HEMK2: variants seen among roughly 807,000 people sequenced by gnomAD.
The protein encoded by HEMK2 is HemK methyltransferase 2, ETF1 glutamine and histone H4 lysine, also known as methyltransferase HEMK2.
the HEMK2 span, among the ~76,000 whole-genome samples, chr21:28,839,025 G>T: frequency 8.5e-6 from 1 of 117,434 alleles, no homozygotes; most frequent in Non-Finnish European, 1.7e-5. Context: ...AATCTGCCAT[G>T]ATAAAGTGGG....
the HEMK2 span, among the ~76,000 whole-genome samples, chr21:28,859,354 T>G: frequency 6.6e-6 from 1 of 152,338 alleles, no homozygotes; most frequent in South Asian, 2.1e-4. Flanking sequence ...AATCTTGCAT[T>G]CAAGTTGCCT....
At chr21:28,860,547 C>G in the HEMK2 span, among the ~76,000 whole-genome samples, 1 of 151,288 alleles carries the variant, frequency 6.6e-6, no homozygotes, top group Non-Finnish European at 1.5e-5. Flanking sequence ...GTTCACTGAA[C>G]AAAGAAATTT....
At chr21:28,708,643 G>A in the HEMK2 span, among the ~76,000 whole-genome samples, 1 of 152,114 alleles carries the variant, frequency 6.6e-6, no homozygotes, top group African/African-American at 2.4e-5. Flanking sequence ...TTGTCCTTAG[G>A]AAAGCTATTA....
chr21:28,591,041 G>C, the HEMK2 span, among the ~76,000 whole-genome samples: 5 of 152,182 alleles, frequency 3.3e-5, no homozygotes, highest in African/African-American at 7.2e-5. Context: ...GCTGATTGCA[G>C]GGAAGCTGGA....
At chr21:28,818,457 TATGTATAA>T in the HEMK2 span, among the ~76,000 whole-genome samples, 2 of 152,250 alleles carry the variant, frequency 1.3e-5, no homozygotes, top group East Asian at 3.9e-4. Context: ...TATATGTATA[TATGTATAA>T]CCTATTAGTT....
the HEMK2 span, among the ~76,000 whole-genome samples, chr21:28,866,228 C>G: frequency 2.0e-5 from 3 of 148,082 alleles, no homozygotes; most frequent in African/African-American, 7.4e-5. Context: ...GTAATCCCAG[C>G]TACTAGGGAA....
At chr21:28,582,333 C>A in the HEMK2 span, among the ~76,000 whole-genome samples, 1 of 152,138 alleles carries the variant, frequency 6.6e-6, no homozygotes, top group African/African-American at 2.4e-5. Context: ...ATATTAATAT[C>A]ATTTTTTTTC....
At chr21:28,760,335 T>C in the HEMK2 span, among the ~76,000 whole-genome samples, 8 of 152,218 alleles carry the variant, frequency 5.3e-5, no homozygotes, top group African/African-American at 1.9e-4. Flanking sequence ...CAACAAACTT[T>C]TTCCATAAAT....
the HEMK2 span, among the ~76,000 whole-genome samples, chr21:28,797,742 A>G: frequency 1.3e-5 from 2 of 152,238 alleles, no homozygotes; most frequent in African/African-American, 4.8e-5. Flanking sequence ...ACCCAACATC[A>G]TAATAATGAG....
the HEMK2 span, among the ~76,000 whole-genome samples, chr21:28,799,854 G>T: frequency 6.6e-6 from 1 of 151,982 alleles, no homozygotes. Flanking sequence ...TAAAATGTTT[G>T]GCATGCCCAA....
the HEMK2 span, among the ~76,000 whole-genome samples, chr21:28,863,200 A>C: frequency 6.6e-6 from 1 of 151,774 alleles, no homozygotes; most frequent in African/African-American, 2.4e-5. Flanking sequence ...CATGGCTAGA[A>C]TATAAGCAGG....
At chr21:28,798,829 T>C in the HEMK2 span, among the ~76,000 whole-genome samples, 3 of 152,206 alleles carry the variant, frequency 2.0e-5, no homozygotes, top group South Asian at 2.1e-4. Context: ...GCATTGCTCA[T>C]TGCCACTACT....
chr21:28,727,356 C>T, the HEMK2 span, among the ~76,000 whole-genome samples: 132 of 152,256 alleles, frequency 8.7e-4, no homozygotes, highest in Admixed American at 2.0e-3. Flanking sequence ...AAAGCCCAAG[C>T]GTTTGAAACC....
chr21:28,719,063 C>A, the HEMK2 span, among the ~76,000 whole-genome samples: 1 of 152,196 alleles, frequency 6.6e-6, no homozygotes, highest in African/African-American at 2.4e-5. Context: ...GAGTCCTGGC[C>A]TTTTCAATTT....
the HEMK2 span, among the ~76,000 whole-genome samples, chr21:28,877,395 A>C: frequency 1.3e-5 from 1 of 79,870 alleles, no homozygotes; most frequent in Admixed American, 1.1e-4. Flanking sequence ...GAAGGAAGGA[A>C]GGGAAGAAAA....
chr21:28,693,069 G>C, the HEMK2 span, among the ~76,000 whole-genome samples: 1 of 152,128 alleles, frequency 6.6e-6, no homozygotes, highest in East Asian at 1.9e-4. Flanking sequence ...TCTGGAATTA[G>C]ATAGTGGTGA....
the HEMK2 span, among the ~76,000 whole-genome samples, chr21:28,864,857 A>AGATGGAT: frequency 1.5e-5 from 2 of 135,172 alleles, no homozygotes; most frequent in South Asian, 5.4e-4. Context: ...ATAGATAGAT[A>AGATGGAT]GATAGATAGA....
the HEMK2 span, among the ~76,000 whole-genome samples, chr21:28,778,471 C>T: frequency 6.6e-6 from 1 of 152,180 alleles, no homozygotes; most frequent in African/African-American, 2.4e-5. Context: ...GGTCCTATGG[C>T]AATTGCAGGT....
the HEMK2 span, among the ~76,000 whole-genome samples, chr21:28,620,128 C>G: frequency 7.8e-4 from 119 of 152,044 alleles, 1 homozygote; most frequent in Non-Finnish European, 1.6e-3. Context: ...CAACTTGATC[C>G]TGGTGGATAA....
Sources: allele counts gnomAD v4.1 joint callset (sites outside exome capture counted in the v4.1 genomes callset), GRCh38; gene constraint gnomAD v4.1.1; transcripts MANE v1.5; gene names NCBI Gene and HGNC (gene_info 2026-07-23, HGNC 2026-07-21).